Variants in DRC11 observed in about 807,000 individuals in gnomAD.
The protein encoded by DRC11 is dynein regulatory complex subunit 11.
chr2:236,456,702 G>A, the DRC11 span, among the ~76,000 whole-genome samples: 2 of 152,222 alleles, frequency 1.3e-5, no homozygotes, highest in Non-Finnish European at 2.9e-5. The surrounding 1 kb of genome is among the most constrained non-coding windows in gnomAD (Gnocchi z 5.4). Flanking sequence ...GCCAGAGCTG[G>A]CACCTGATGG....
At chr2:236,330,862 C>T in the DRC11 span, among the ~76,000 whole-genome samples, 1 of 152,138 alleles carries the variant, frequency 6.6e-6, no homozygotes, top group Admixed American at 6.5e-5. The surrounding 1 kb of genome is among the most constrained non-coding windows in gnomAD (Gnocchi z 5.5). Context: ...CCAAAAAGTT[C>T]TGTGAATAGG....
At chr2:236,391,970 A>C in the DRC11 span, 1 of 1,612,374 alleles carries the variant, frequency 6.2e-7, no homozygotes, top group Non-Finnish European at 8.5e-7. The surrounding 1 kb of genome is among the most constrained non-coding windows in gnomAD (Gnocchi z 4.5). Context: ...CTCCTTCCCC[A>C]CTCACCTTGT....
the DRC11 span, chr2:236,391,334 C>T: frequency 5.3e-5 from 8 of 152,262 alleles, no homozygotes; most frequent in Non-Finnish European, 1.0e-4. The surrounding 1 kb of genome is among the most constrained non-coding windows in gnomAD (Gnocchi z 4.5). Flanking sequence ...AAGAGTGGCT[C>T]CAGTCATGGA....
At chr2:236,376,323 C>T in the DRC11 span, among the ~76,000 whole-genome samples, 1 of 152,170 alleles carries the variant, frequency 6.6e-6, no homozygotes, top group African/African-American at 2.4e-5. The surrounding 1 kb of genome is among the most constrained non-coding windows in gnomAD (Gnocchi z 5.7). Context: ...ACAGAAGAGA[C>T]ACAACAATCA....
chr2:236,439,608 T>C, the DRC11 span, among the ~76,000 whole-genome samples: 4,751 of 152,254 alleles, frequency 0.031, 240 homozygotes, highest in East Asian at 0.18. Flanking sequence ...TAATTTCTTG[T>C]TAAATGTATT....
chr2:236,457,268 T>TA, the DRC11 span, among the ~76,000 whole-genome samples: 1 of 151,204 alleles, frequency 6.6e-6, no homozygotes, highest in Non-Finnish European at 1.5e-5. The surrounding 1 kb of genome is among the most constrained non-coding windows in gnomAD (Gnocchi z 4.7). Context: ...GAAATGAAAT[T>TA]AAAAATTCAG....
the DRC11 span, among the ~76,000 whole-genome samples, chr2:236,341,122 T>G: frequency 6.6e-6 from 1 of 152,208 alleles, no homozygotes; most frequent in Non-Finnish European, 1.5e-5. Flanking sequence ...CAATTTCAAT[T>G]TGCTATTCTG....
chr2:236,400,151 C>G, the DRC11 span, among the ~76,000 whole-genome samples: 1 of 152,192 alleles, frequency 6.6e-6, no homozygotes, highest in Non-Finnish European at 1.5e-5. This position sits in a 1 kb window ranked among gnomAD's most constrained non-coding sequence, Gnocchi z 7.9. Context: ...CTGAGCTGTG[C>G]TGCTTGCCAG....
the DRC11 span, among the ~76,000 whole-genome samples, chr2:236,393,415 C>CA: frequency 6.6e-6 from 1 of 152,146 alleles, no homozygotes; most frequent in African/African-American, 2.4e-5. The surrounding 1 kb of genome is among the most constrained non-coding windows in gnomAD (Gnocchi z 4.7). Context: ...GCTTCCCTGA[C>CA]AAGCATGGCA....
At chr2:236,357,059 TA>T in the DRC11 span, among the ~76,000 whole-genome samples, 942 of 74,906 alleles carry the variant, frequency 0.013, 52 homozygotes, top group Middle Eastern at 0.037. Context: ...TATATCTATT[TA>T]TATATTCATA....
At chr2:236,492,171 C>A in the DRC11 span, among the ~76,000 whole-genome samples, 1 of 152,192 alleles carries the variant, frequency 6.6e-6, no homozygotes, top group South Asian at 2.1e-4. Context: ...TTAAATTACC[C>A]AGTCTGTGGT....
At chr2:236,422,343 G>A in the DRC11 span, among the ~76,000 whole-genome samples, 5 of 152,240 alleles carry the variant, frequency 3.3e-5, no homozygotes, top group African/African-American at 1.2e-4. Flanking sequence ...TAAGCTGATA[G>A]GCAACTTCAG....
the DRC11 span, among the ~76,000 whole-genome samples, chr2:236,334,228 A>G: frequency 9.9e-5 from 15 of 152,090 alleles, no homozygotes; most frequent in African/African-American, 3.1e-4. This position sits in a 1 kb window ranked among gnomAD's most constrained non-coding sequence, Gnocchi z 7.8. Context: ...AATCGCTTCT[A>G]TTGCTTTTAC....
the DRC11 span, among the ~76,000 whole-genome samples, chr2:236,359,007 T>C: frequency 1.3e-5 from 2 of 151,422 alleles, no homozygotes; most frequent in African/African-American, 4.9e-5. The surrounding 1 kb of genome is among the most constrained non-coding windows in gnomAD (Gnocchi z 4.3). Context: ...ATCCTGCTTC[T>C]TCCTGTATCC....
chr2:236,407,508 AC>A, the DRC11 span, among the ~76,000 whole-genome samples: 3 of 152,290 alleles, frequency 2.0e-5, no homozygotes, highest in Middle Eastern at 3.4e-3. Flanking sequence ...AGGCTCCATA[AC>A]CAAAGGAACC....
At chr2:236,499,068 G>A in the DRC11 span, among the ~76,000 whole-genome samples, 4 of 152,312 alleles carry the variant, frequency 2.6e-5, no homozygotes, top group African/African-American at 9.6e-5. The surrounding 1 kb of genome is among the most constrained non-coding windows in gnomAD (Gnocchi z 4.7). Context: ...TGAAGGAGAA[G>A]CAAGCCGGTC....
the DRC11 span, among the ~76,000 whole-genome samples, chr2:236,361,373 AAG>A: frequency 3.9e-5 from 6 of 152,198 alleles, no homozygotes; most frequent in African/African-American, 1.4e-4. This position sits in a 1 kb window ranked among gnomAD's most constrained non-coding sequence, Gnocchi z 5.7. Flanking sequence ...GACAGAGACA[AAG>A]AGAGTACTAA....
the DRC11 span, among the ~76,000 whole-genome samples, chr2:236,337,782 A>G: frequency 1.3e-5 from 2 of 151,992 alleles, no homozygotes; most frequent in East Asian, 3.9e-4. This position sits in a 1 kb window ranked among gnomAD's most constrained non-coding sequence, Gnocchi z 4.9. Flanking sequence ...TAAGTAAATC[A>G]TTACACAAGT....
the DRC11 span, chr2:236,338,513 T>A: frequency 1.2e-6 from 1 of 837,672 alleles, no homozygotes; most frequent in Non-Finnish European, 1.8e-6. Flanking sequence ...CACAATTTCT[T>A]AAGGTTTGTC....
Sources: gnomAD v4.1 joint callset for allele counts (sites outside exome capture counted in the v4.1 genomes callset) on GRCh38, gnomAD v4.1.1 for gene constraint, Gnocchi (gnomAD v3.1) non-coding constraint, MANE v1.5 for transcripts, NCBI Gene and HGNC (gene_info 2026-07-23, HGNC 2026-07-21) for gene names.